BLTP1: variants seen among roughly 807,000 people sequenced by gnomAD.
BLTP1 encodes the protein fragile site-associated protein.
the BLTP1 span, chr4:122,298,273 C>G: frequency 1.1e-6 from 1 of 913,462 alleles, no homozygotes; most frequent in Non-Finnish European, 1.3e-6. Context: ...TTTGTTGTAT[C>G]TCATGATGAT....
chr4:122,356,578 G>T, the BLTP1 span: 5 of 1,596,768 alleles, frequency 3.1e-6, no homozygotes, highest in African/African-American at 6.8e-5. Flanking sequence ...TTATTAATGG[G>T]AAGATGACTC....
chr4:122,250,200 A>G, the BLTP1 span: 85 of 387,572 alleles, frequency 2.2e-4, no homozygotes, highest in African/African-American at 1.8e-3. Flanking sequence ...TATGCCTACA[A>G]TTATTTACCT....
chr4:122,153,129 T>TCAAC, the BLTP1 span: 5 of 704,998 alleles, frequency 7.1e-6, no homozygotes, highest in Non-Finnish European at 7.0e-6. Context: ...GAGAAGTTGA[T>TCAAC]TTTTCTTCCG....
chr4:122,275,211 A>T, the BLTP1 span, among the ~76,000 whole-genome samples: 1 of 152,026 alleles, frequency 6.6e-6, no homozygotes, highest in Non-Finnish European at 1.5e-5. Flanking sequence ...TGTATTAATT[A>T]TAATATTATT....
chr4:122,208,451 G>C, the BLTP1 span: 1 of 981,108 alleles, frequency 1.0e-6, no homozygotes, highest in African/African-American at 1.8e-5. Flanking sequence ...AAGATCCTTT[G>C]ATTTGCCAGT....
the BLTP1 span, chr4:122,266,994 G>C: frequency 3.0e-6 from 3 of 1,014,438 alleles, no homozygotes. Flanking sequence ...TTTTGTGCAA[G>C]AATTATAATA....
chr4:122,291,443 G>C, the BLTP1 span, among the ~76,000 whole-genome samples: 5 of 152,108 alleles, frequency 3.3e-5, no homozygotes, highest in East Asian at 9.7e-4. Flanking sequence ...ATAATCTTCA[G>C]TTATTTTCCT....
the BLTP1 span, chr4:122,226,667 A>C: frequency 6.2e-7 from 1 of 1,610,942 alleles, no homozygotes; most frequent in Middle Eastern, 1.7e-4. Flanking sequence ...CTTGTTTAGA[A>C]TGCTAACAGT....
At chr4:122,206,199 C>A in the BLTP1 span, 1 of 349,448 alleles carries the variant, frequency 2.9e-6, no homozygotes, top group African/African-American at 2.2e-5. Flanking sequence ...GAGTCTAGAA[C>A]AGAGCCTGAG....
chr4:122,263,089 T>C, the BLTP1 span: 17 of 1,375,106 alleles, frequency 1.2e-5, no homozygotes, highest in African/African-American at 1.7e-4. Flanking sequence ...ACAACTAATC[T>C]CTCATACCTT....
the BLTP1 span, chr4:122,190,364 G>A: frequency 3.4e-6 from 3 of 890,072 alleles, no homozygotes; most frequent in Non-Finnish European, 4.0e-6. Context: ...CCAAAGTGCT[G>A]GGATTGTAGT....
the BLTP1 span, chr4:122,239,989 G>T: frequency 6.2e-7 from 1 of 1,614,132 alleles, no homozygotes; most frequent in African/African-American, 1.3e-5. Flanking sequence ...ATATATCACA[G>T]TGTAGAAGGG....
chr4:122,343,511 G>T, the BLTP1 span: 1 of 1,614,070 alleles, frequency 6.2e-7, no homozygotes, highest in Non-Finnish European at 8.5e-7. Flanking sequence ...GAGCTTCACT[G>T]CATGCATGTC....
At chr4:122,162,735 C>A in the BLTP1 span, 121,840 of 714,750 alleles carry the variant, frequency 0.17, 9,624 homozygotes, top group South Asian at 0.4. Flanking sequence ...ACAACAACAA[C>A]AAAAAAAAAA....
chr4:122,303,523 A>G, the BLTP1 span, among the ~76,000 whole-genome samples: 1 of 152,234 alleles, frequency 6.6e-6, no homozygotes, highest in Non-Finnish European at 1.5e-5. Flanking sequence ...ATAGATAGTG[A>G]TTCCTCAGAT....
chr4:122,310,618 T>G, the BLTP1 span, among the ~76,000 whole-genome samples: 2 of 152,134 alleles, frequency 1.3e-5, no homozygotes, highest in African/African-American at 4.8e-5. Context: ...TCCCTCCACT[T>G]TGGAGATGAG....
chr4:122,206,077 A>G, the BLTP1 span: 3 of 979,152 alleles, frequency 3.1e-6, no homozygotes, highest in Non-Finnish European at 3.6e-6. Context: ...AAAATATATG[A>G]ACACAATTTT....
the BLTP1 span, among the ~76,000 whole-genome samples, chr4:122,351,729 A>G: frequency 0.98 from 148,837 of 152,260 alleles, 72,852 homozygotes; most frequent in East Asian, 1. Context: ...CTTTAAACTA[A>G]AATTTATATT....
At chr4:122,214,693 T>G in the BLTP1 span, 1 of 238,522 alleles carries the variant, frequency 4.2e-6, no homozygotes, top group Non-Finnish European at 6.2e-6. Context: ...CATGGTTCAC[T>G]GCAGCCTCGA....
Sources: allele counts gnomAD v4.1 joint callset (sites outside exome capture counted in the v4.1 genomes callset), GRCh38; gene constraint gnomAD v4.1.1; transcripts MANE v1.5; gene names NCBI Gene and HGNC (gene_info 2026-07-23, HGNC 2026-07-21).